The following XPO4 variants were observed in gnomAD, a reference collection of about 807,000 sequenced individuals.
The protein encoded by XPO4 is exportin-4.
Under a neutral mutation model 143.0 loss-of-function variants are expected in XPO4, and 39 were observed. The observed-to-expected ratio is 0.27, with a 90% CI of 0.21 to 0.36. The LOEUF is 0.36. XPO4 is among the 10% of genes least tolerant of loss of function. XPO4 has a pLI of 1.00. For synonymous variants in XPO4, 439 were observed against 474.0 expected (o/e 0.93, Z 0.96); for missense variants, 907 against 1,348.0 (o/e 0.67, Z 5.12).
chr13:20,869,602 C>G, intron 1 of XPO4: 1 of 776,356 alleles, frequency 1.3e-6, no homozygotes, highest in South Asian at 5.9e-5. Context: ...GATCAACACT[C>G]ATTATAAATT....
chr13:20,800,343 AT>A lies in XPO4; in HGVS notation c.1978-19del. The A allele has an allele frequency of 6.3e-7, 1 of 1,593,074 alleles. No homozygotes were observed. Among genetic ancestry groups the A allele is most frequent in the Non-Finnish European group, 8.5e-7 (1 of 1,170,668 alleles). ...AGACTTATCTTAAGAGAGGAAACAA[AT>A]TTTTTAAGGTAAGCAAGAAAGATCA... On this transcript the variant is annotated intron_variant, in intron 14 of 22. Transcript: ENST00000255305.
intron 4 of XPO4, among the ~76,000 whole-genome samples, chr13:20,844,490 A>C (rs894830680): frequency 2.6e-5 from 4 of 152,216 alleles, no homozygotes; most frequent in African/African-American, 9.6e-5. Flanking sequence ...TTTTATTCCC[A>C]GACTAAAACA....
intron 1 of XPO4, among the ~76,000 whole-genome samples, chr13:20,900,143 T>C (rs2060606252): frequency 6.6e-6 from 1 of 152,148 alleles, no homozygotes; most frequent in African/African-American, 2.4e-5. Flanking sequence ...TCCAAGCACT[T>C]TGGGAGGCCG....
chr13:20,787,543 G>C lies in XPO4; in HGVS notation c.3103C>G (p.Gln1035Glu). 6.2e-7 allele frequency: 1 copy of C among 1,614,244 alleles called. No individual in the cohort carries two copies. Among genetic ancestry groups the C allele is most frequent in the Non-Finnish European group, 8.5e-7 (1 of 1,180,046 alleles). The change falls in exon 21 of 23, where the codon CAG becomes GAG. Residue 1035 changes from glutamine (Q) to glutamate (E), a missense_variant. By Grantham distance (29) the Gln-to-Glu change is conservative. Coordinates refer to ENST00000255305, the MANE Select transcript of XPO4 (RefSeq NM_022459.5). ...TCTGTTTCTTGTGCTTTTGCACACT[G>C]TTCAGCTAACGGTGTCAAGGCCTCC... Reference protein sequence around the residue: ...CLEALTPLAEQCAKAQETDSP... With the variant: ...CLEALTPLAEECAKAQETDSP...
At chr13:20,808,914 CAAA>C (rs2137889135) in intron 11 of XPO4, among the ~76,000 whole-genome samples, 166 bp downstream of exon 11, 1 of 152,240 alleles carries the variant, frequency 6.6e-6, no homozygotes, top group East Asian at 1.9e-4. Context: ...GCCTGGGCTC[CAAA>C]TGTCTAAGCC....
chr13:20,795,405 C>T, intron 18 of XPO4, among the ~76,000 whole-genome samples: 1 of 152,192 alleles, frequency 6.6e-6, no homozygotes, highest in East Asian at 1.9e-4. Context: ...ACCAAAGACA[C>T]TTTACAGCTG....
intron 6 of XPO4, among the ~76,000 whole-genome samples, chr13:20,836,664 CTTCA>C (rs1335478236): frequency 6.6e-6 from 1 of 152,172 alleles, no homozygotes; most frequent in African/African-American, 2.4e-5. Context: ...TTTTTAAAGG[CTTCA>C]TTAAGACATA....
intron 6 of XPO4, among the ~76,000 whole-genome samples, chr13:20,834,662 TAATA>T (rs935284188): frequency 2.0e-4 from 31 of 152,014 alleles, no homozygotes; most frequent in African/African-American, 5.8e-4. Flanking sequence ...AAAAAACCTT[TAATA>T]AATAAATCCA....
chr13:20,809,854 T>C lies in XPO4; in HGVS notation c.1287A>G (p.Ala429=), dbSNP rs372607400. 6.2e-7 allele frequency: 1 copy of C among 1,613,816 alleles called. No individual in the cohort carries two copies. The highest frequency in any genetic ancestry group is 1.3e-5 in the African/African-American group (1 of 74,938). ...HFHKGFFTQH[A]VQVFNSYIQC... The stretch of plus-strand genomic sequence containing the variant: ...GAATATAGGAATTGAAAACTTGAAC[T>C]GCATGTTGGGTAAAAAAGCCTTTAT... The change falls in exon 10 of 23, where the codon GCA becomes GCG. Residue 429 remains alanine (A), a synonymous_variant. Transcript: ENST00000255305.
chr13:20,859,933 G>T (rs1295281627), intron 3 of XPO4: 21 of 801,712 alleles, frequency 2.6e-5, no homozygotes, highest in Non-Finnish European at 3.2e-5. Flanking sequence ...TCAGGTTGGG[G>T]AATGGCGACA....
rs2059795337 is a variant in XPO4, at chr13:20,827,159, T to C, written c.748A>G (p.Met250Val). ...AGCACATTTTGCGAGGATTCAAACA[T>C]AGCTATATAATGTCTGCCCAGTTAT... The part of the protein sequence containing the change: ...PPNLGRHYIA[M>V]FESSQNVLLK... Residue 250 changes from methionine to valine, a missense_variant, in exon 7 of 23, where the codon ATG becomes GTG. Coordinates refer to ENST00000255305, the MANE Select transcript of XPO4 (RefSeq NM_022459.5). The C allele has an allele frequency of 1.2e-6, 2 of 1,613,622 alleles. No homozygotes were observed. The highest frequency in any genetic ancestry group is 1.1e-5 in the South Asian group (1 of 91,076).
intron 17 of XPO4, 43 bp from the exon 18 acceptor site, chr13:20,796,299 TGAC>T (rs1374914633): frequency 1.4e-6 from 2 of 1,398,968 alleles, no homozygotes; most frequent in Non-Finnish European, 1.9e-6. Context: ...CTTGGTACAC[TGAC>T]ATTAAAAAAA....
intron 6 of XPO4, 34 bp downstream of exon 6, chr13:20,842,861 C>T: frequency 6.4e-7 from 1 of 1,553,532 alleles, no homozygotes; most frequent in South Asian, 1.2e-5. Flanking sequence ...ATGAAAATTA[C>T]CACAGATAAA....
At chr13:20,883,836 C>A (rs987337942) in intron 1 of XPO4, among the ~76,000 whole-genome samples, 24 of 152,116 alleles carry the variant, frequency 1.6e-4, no homozygotes, top group Non-Finnish European at 3.4e-4. Context: ...GGCGTGATCT[C>A]CACTCACCGC....
At chr13:20,848,512 A>G (rs2060050250) in intron 4 of XPO4, 1 of 985,328 alleles carries the variant, frequency 1.0e-6, no homozygotes. Flanking sequence ...ACAAGAAGGT[A>G]AAGTAGCAGC....
intron 11 of XPO4, 62 bp downstream of exon 11, chr13:20,809,021 C>T (rs1416535742): frequency 1.4e-5 from 22 of 1,562,712 alleles, no homozygotes; most frequent in Admixed American, 5.6e-5. Flanking sequence ...ACTTTAAGTG[C>T]TCTCCAGGGA....
At chr13:20,876,597 A>G (rs548832552) in intron 1 of XPO4, among the ~76,000 whole-genome samples, 1 of 152,338 alleles carries the variant, frequency 6.6e-6, no homozygotes, top group Admixed American at 6.5e-5. Context: ...AAAACATAGG[A>G]AAGTATGATG....
rs1440871961 is a variant in XPO4 at position 20,781,139 on chromosome 13, T to TA, written c.*2582dup. The TA allele has an allele frequency of 4.6e-5, 7 of 152,306 alleles. No individual in the cohort carries two copies. Among genetic ancestry groups the TA allele is most frequent in the Admixed American group, 3.9e-4 (6 of 15,300 alleles). 9.4% of individuals were successfully genotyped at this position (152,306 alleles called of 1,614,324 possible). On this transcript the variant is annotated 3_prime_UTR_variant, in exon 23 of 23. Transcript: ENST00000255305. ...GAGGGCACAAATAATGTTTTTGTTT[T>TA]AAAAAATATTTTAACAACAGTTTTA... is the stretch of plus-strand genomic sequence containing the variant.
At chr13:20,799,088 A>C (rs1322601106) in intron 16 of XPO4, 77 bp downstream of exon 16, 1 of 1,322,406 alleles carries the variant, frequency 7.6e-7, no homozygotes, top group East Asian at 2.3e-5. Flanking sequence ...GTCTCCAGAG[A>C]CTCTTACGGC....
Sources: gnomAD v4.1 joint callset for allele counts (sites outside exome capture counted in the v4.1 genomes callset) on GRCh38, gnomAD v4.1.1 for gene constraint, MANE v1.5 for transcripts, NCBI Gene and HGNC (gene_info 2026-07-23, HGNC 2026-07-21) for gene names.